The following WDR74 variants were observed in gnomAD, a reference collection of about 807,000 sequenced individuals.
The protein encoded by WDR74 is WD repeat-containing protein 74.
A neutral mutation model predicts 45.6 loss-of-function variants in WDR74; 31 were observed. The ratio of observed to expected loss-of-function variants is 0.68; its 90% confidence interval spans 0.51 to 0.92. The LOEUF (loss-of-function observed/expected upper bound fraction) is 0.92, where lower values mean the gene tolerates loss of function less well. WDR74 is among the 40% of genes least tolerant of loss of function. The probability of loss-of-function intolerance (pLI) is 0.00; values close to 1 mark genes in which losing one functional copy is unlikely to be tolerated. For missense variants in WDR74, 455 were observed against 497.2 expected (o/e 0.92, Z 0.81); for synonymous variants, 191 against 192.4 (o/e 0.99, Z 0.06).
At position 62,833,061 on chromosome 11, in the gene WDR74, G is replaced by GC; in HGVS notation, c.1048dup (p.Ala350GlyfsTer46). The GC allele has an allele frequency of 6.2e-7, 1 of 1,611,544 alleles. No individual in the cohort carries two copies. The highest frequency in any genetic ancestry group is 8.5e-7 in the Non-Finnish European group (1 of 1,178,934). ...CCGCTTGGCAGCTGCCTCCAAGGAT[G>GC]CCCAAAGTTCATCTGTCTCTGTGTC... On this transcript the variant is annotated frameshift_variant, in exon 11 of 11. Coordinates refer to ENST00000278856, the MANE Select transcript of WDR74 (RefSeq NM_001369450.1). LOFTEE classifies it low-confidence loss of function (END_TRUNC).
upstream of WDR74, chr11:62,839,591 AG>A: frequency 6.3e-7 from 1 of 1,590,628 alleles, no homozygotes; most frequent in African/African-American, 1.3e-5. Context: ...GGAGGCAGAC[AG>A]TTCACACTTC....
chr11:62,836,150 A>G, intron 3 of WDR74, 114 bp from the exon 4 acceptor site: 1 of 1,121,326 alleles, frequency 8.9e-7, no homozygotes, highest in Non-Finnish European at 1.3e-6. Flanking sequence ...AAAAAGTATA[A>G]AAGTATTCTC....
chr11:62,836,001 C>G lies in WDR74; in HGVS notation c.329G>C (p.Arg110Thr). Residue 110 changes from arginine to threonine, a missense_variant, in exon 4 of 11, where the codon AGA (arginine) becomes ACA (threonine). Coordinates refer to ENST00000278856, the MANE Select transcript of WDR74 (RefSeq NM_001369450.1). ...LITCVDSGIL[R>T]VWHDKDKDTS... Reference sequence around the variant, plus strand: ...GTCCTTGTCCTTGTCATGCCAGACTCTGAGAATCCCAGAATCCACACATGT... The same window carrying G: ...GTCCTTGTCCTTGTCATGCCAGACTGTGAGAATCCCAGAATCCACACATGT... 3.1e-6 allele frequency: 5 copies of G among 1,597,444 alleles called. No homozygotes were observed. Among genetic ancestry groups the G allele is most frequent in the Non-Finnish European group, 4.3e-6 (5 of 1,171,944 alleles).
At position 62,832,916 on chromosome 11, in the gene WDR74, G is replaced by A. The variant is rs1235668821; in HGVS notation, c.*36C>T. ...CAAAAGGCTCAGGGTCATGGTGGGTGTTCAGCAGTTTATTTACAAAGTGGG... is the reference window on the plus strand; with the variant it reads ...CAAAAGGCTCAGGGTCATGGTGGGTATTCAGCAGTTTATTTACAAAGTGGG... On this transcript the variant is annotated 3_prime_UTR_variant, in exon 11 of 11. Transcript: ENST00000278856. The A allele has an allele frequency of 2.6e-6, 4 of 1,564,096 alleles. No homozygotes were observed. The highest frequency in any genetic ancestry group is 8.6e-7 in the Non-Finnish European group (1 of 1,157,420).
At chr11:62,841,239 C>A (rs904268116), upstream of WDR74, among the ~76,000 whole-genome samples, 24 of 152,278 alleles carry the variant, frequency 1.6e-4, no homozygotes, top group African/African-American at 5.5e-4. Flanking sequence ...ATCGCATGAA[C>A]CCGGGAGGCG....
chr11:62,841,692 C>G (rs1033460589), upstream of WDR74: 1 of 152,164 alleles, frequency 6.6e-6, no homozygotes, highest in East Asian at 1.9e-4. Context: ...GCTCCTATTC[C>G]ATCTCCTATT....
At position 62,835,501 on chromosome 11, in the gene WDR74, G is replaced by T. The variant is rs1425047655; in HGVS notation, c.548C>A (p.Pro183His). The stretch of plus-strand genomic sequence containing the variant: ...AAACTGTATGTCCTGGTCCCAGATG[G>T]GAACCCGCAAGTCCAGCCAGTCATT... ...VRNDWLDLRV[P>H]IWDQDIQFLP... The change falls in exon 6 of 11, where the codon CCC becomes CAC. Residue 183 changes from proline to histidine, a missense_variant. Physicochemically the swap from Pro to His is moderately conservative, Grantham distance 77 (BLOSUM62 -2). Transcript: ENST00000278856. 1.2e-6 allele frequency: 2 copies of T among 1,613,926 alleles called. No individual in the cohort carries two copies. The highest frequency in any genetic ancestry group is 1.1e-5 in the South Asian group (1 of 91,088).
intron 3 of WDR74, among the ~76,000 whole-genome samples, chr11:62,837,956 A>C (rs1190836370): frequency 6.6e-6 from 1 of 152,116 alleles, no homozygotes; most frequent in Non-Finnish European, 1.5e-5. Flanking sequence ...TTAAAAATTT[A>C]GCTGGGCAGG....
rs540944577 is a variant in WDR74 at position 62,834,959 on chromosome 11, A to C, written c.619-432T>G. 195 of 223,102 alleles carry C rather than the reference A, an allele frequency of 8.7e-4. 1 individual carries two copies. Among genetic ancestry groups the C allele is most frequent in the Middle Eastern group, 1.8e-3 (1 of 570 alleles). 13.8% of individuals were successfully genotyped at this position (223,102 alleles called of 1,614,324 possible). ...TGTGCAGAAGCAAAGAAAATAGGAC[A>C]AATACAGTGACCCAGCCCCGCCCGT... is the stretch of plus-strand genomic sequence containing the variant. On this transcript the variant is annotated intron_variant, in intron 6 of 10. Transcript: ENST00000278856.
rs764291852 is a variant in WDR74, at chr11:62,839,564, C to T, written c.7G>A (p.Ala3Thr). Residue 3 changes from alanine to threonine, a missense_variant, in exon 1 of 11, where the codon GCT becomes ACT. Ala to Thr is a moderately conservative substitution (Grantham distance 58). Coordinates refer to ENST00000278856, the MANE Select transcript of WDR74 (RefSeq NM_001369450.1). ...ACATGGTTCCAGCGTGCAGCAGCAG[C>T]CGCCATGACAAAGCCTGGAGGCAGA... MA[A>T]AAARWNHVWV... The T allele has an allele frequency of 3.7e-6, 6 of 1,609,800 alleles. No homozygotes were observed. The Admixed American group carries it at 8.5e-5, about 23-fold the overall frequency.
At chr11:62,841,571 T>C (rs116994331), upstream of WDR74, 11 of 152,298 alleles carry the variant, frequency 7.2e-5, no homozygotes, top group East Asian at 7.7e-4. Flanking sequence ...GCTTGTACCC[T>C]AACTGATCGA....
chr11:62,835,091 A>G (rs1225411006), intron 6 of WDR74: 7 of 267,534 alleles, frequency 2.6e-5, no homozygotes. Flanking sequence ...CTGGGTCCCA[A>G]AGCAAATCAG....
chr11:62,834,521 C>A lies in WDR74; in HGVS notation c.625G>T (p.Val209Phe). The A allele has an allele frequency of 6.2e-7, 1 of 1,607,170 alleles. No individual in the cohort carries two copies. Among genetic ancestry groups the A allele is most frequent in the Non-Finnish European group, 8.5e-7 (1 of 1,179,254 alleles). Residue 209 changes from valine (V) to phenylalanine (F), a missense_variant, in exon 7 of 11, where the codon GTT becomes TTT. Transcript: ENST00000278856. Reference protein sequence around the residue: ...VTCTGYHQVRVYDPASPQRRP... With the variant: ...VTCTGYHQVRFYDPASPQRRP... ...CGCTGGGGGGATGCTGGATCATAAA[C>A]ACGGACCTAGAGGAAGGCTGAAGCA...
chr11:62,833,192 A>T, intron 10 of WDR74, 61 bp from the exon 11 acceptor site: 1 of 1,551,658 alleles, frequency 6.4e-7, no homozygotes. Context: ...TCCCACCTGT[A>T]ATCTCAGCAC....
At chr11:62,838,760 C>T (rs1345427786) in intron 3 of WDR74, among the ~76,000 whole-genome samples, 2 of 99,628 alleles carry the variant, frequency 2.0e-5, no homozygotes, top group Admixed American at 2.2e-4. Context: ...ACTCCGTCTC[C>T]AAAAAAAAAA....
At chr11:62,841,342 TG>T (rs1565224858), upstream of WDR74, among the ~76,000 whole-genome samples, 2 of 151,772 alleles carry the variant, frequency 1.3e-5, no homozygotes, top group African/African-American at 2.4e-5. Flanking sequence ...GAAATAAAAA[TG>T]GAAAACATTA....
At chr11:62,834,618 T>C in intron 6 of WDR74, 91 bp from the exon 7 acceptor site, 1 of 1,116,532 alleles carries the variant, frequency 9.0e-7, no homozygotes, top group Non-Finnish European at 1.3e-6. Flanking sequence ...TGCACACTGC[T>C]TTCTTATTTA....
At position 62,834,557 on chromosome 11, in the gene WDR74, A is replaced by G. The variant is rs984438555; in HGVS notation, c.619-30T>C. The G allele has an allele frequency of 4.4e-6, 7 of 1,584,790 alleles. No individual in the cohort carries two copies. The Admixed American group carries it at 1.0e-4, about 23-fold the overall frequency. On this transcript the variant is annotated intron_variant, in intron 6 of 10. Transcript: ENST00000278856. ...AGGAAGGCTGAAGCATCACAAAAGTATCCTCACCCTGCACCTACCCTCTGG... is the reference window on the plus strand; with the variant it reads ...AGGAAGGCTGAAGCATCACAAAAGTGTCCTCACCCTGCACCTACCCTCTGG...
At chr11:62,840,042 C>T (rs373892334), upstream of WDR74, 1 of 155,764 alleles carries the variant, frequency 6.4e-6, no homozygotes, top group African/African-American at 2.4e-5. Context: ...GCCCTTGTTG[C>T]CCAGGCTGGA....
Sources: gnomAD v4.1 joint callset for allele counts (sites outside exome capture counted in the v4.1 genomes callset) on GRCh38, gnomAD v4.1.1 for gene constraint, MANE v1.5 for transcripts, NCBI Gene and HGNC (gene_info 2026-07-23, HGNC 2026-07-21) for gene names.